DTD1: variants seen among roughly 807,000 people sequenced by gnomAD.
DTD1 encodes the protein D-aminoacyl-tRNA deacylase 1, also known as D-tyrosyl-tRNA deacylase 1 homolog.
A neutral mutation model predicts 25.6 loss-of-function variants in DTD1; 13 were observed. The observed-to-expected ratio is 0.51, with a 90% CI of 0.33 to 0.81. The LOEUF (loss-of-function observed/expected upper bound fraction) is 0.81, where lower values mean the gene tolerates loss of function less well. Among genes scored for constraint, DTD1 ranks in the 30% least tolerant of loss-of-function variants. The pLI is 0.02. For synonymous variants in DTD1, 110 were observed against 103.6 expected (o/e 1.06, Z -0.37); for missense variants, 193 against 266.4 (o/e 0.72, Z 1.92).
chr20:18,693,494 T>C (rs1225265049), intron 4 of DTD1, among the ~76,000 whole-genome samples: 1 of 151,780 alleles, frequency 6.6e-6, no homozygotes, highest in Non-Finnish European at 1.5e-5. Context: ...CCATCTCTAC[T>C]AAAACTACAA....
chr20:18,715,285 C>G (rs889519009), intron 4 of DTD1, among the ~76,000 whole-genome samples: 2 of 152,184 alleles, frequency 1.3e-5, no homozygotes, highest in Non-Finnish European at 2.9e-5. Flanking sequence ...CCAGATCACT[C>G]CCTTGACTGG....
intron 4 of DTD1, among the ~76,000 whole-genome samples, chr20:18,686,353 C>T (rs1413002598): frequency 6.6e-6 from 1 of 152,216 alleles, no homozygotes; most frequent in African/African-American, 2.4e-5. Context: ...TGCCCTTGCA[C>T]ATCTATTTTT....
chr20:18,667,877 G>A (rs2060937672), intron 4 of DTD1, among the ~76,000 whole-genome samples: 1 of 152,154 alleles, frequency 6.6e-6, no homozygotes, highest in Non-Finnish European at 1.5e-5. Context: ...ACCTGCAGAA[G>A]GCCCTCGTCA....
At chr20:18,735,437 C>T (rs996895068) in intron 4 of DTD1, among the ~76,000 whole-genome samples, 4 of 152,212 alleles carry the variant, frequency 2.6e-5, no homozygotes, top group African/African-American at 9.6e-5. Flanking sequence ...ACCTGGTGCT[C>T]CTCCCAGCCT....
chr20:18,703,010 C>T (rs1456461804), intron 4 of DTD1, among the ~76,000 whole-genome samples: 3 of 152,074 alleles, frequency 2.0e-5, no homozygotes, highest in East Asian at 3.9e-4. Context: ...ATCCTCCCAC[C>T]CCCGTCTTCA....
chr20:18,590,593 C>G lies in DTD1; in HGVS notation c.43+2478C>G, dbSNP rs886624961. On this transcript the variant is annotated intron_variant, in intron 1 of 5. Transcript: ENST00000377452. The stretch of plus-strand genomic sequence containing the variant: ...TCAAGCGATTCTCATGCCTCTGTGT[C>G]CTGAGTAGCTGGTCTTACAGGTGCG... Among the ~76,000 whole-genome samples the G allele has an allele frequency of 5.3e-5, 8 of 152,112 alleles. No homozygotes were observed. In the South Asian group the frequency reaches 1.7e-3, roughly 32 times the overall value.
chr20:18,630,232 C>G (rs1347260210), intron 4 of DTD1: 1 of 152,002 alleles, frequency 6.6e-6, no homozygotes, highest in Non-Finnish European at 1.5e-5. Flanking sequence ...TACTTTTTAA[C>G]CCAACTGCCT....
At chr20:18,683,377 G>A (rs1197322034) in intron 4 of DTD1, among the ~76,000 whole-genome samples, 1 of 152,132 alleles carries the variant, frequency 6.6e-6, no homozygotes, top group African/African-American at 2.4e-5. Context: ...TGTCAATATT[G>A]TCTAAGACAT....
intron 3 of DTD1, among the ~76,000 whole-genome samples, chr20:18,612,921 A>T (rs939421162): frequency 1.3e-5 from 2 of 152,032 alleles, no homozygotes; most frequent in African/African-American, 2.4e-5. Context: ...CGCCTCCCAA[A>T]GTGCTGGGAT....
chr20:18,715,589 A>G (rs2061177001), intron 4 of DTD1, among the ~76,000 whole-genome samples: 1 of 152,238 alleles, frequency 6.6e-6, no homozygotes, highest in African/African-American at 2.4e-5. Flanking sequence ...AGTAAAGCAT[A>G]TAATTACTAT....
At chr20:18,588,184 G>A in intron 1 of DTD1, 69 bp downstream of exon 1, 3 of 1,197,108 alleles carry the variant, frequency 2.5e-6, no homozygotes, top group Non-Finnish European at 3.1e-6. Context: ...CTTGCGTGGG[G>A]GGTCTTCCTG....
At chr20:18,633,107 CTTAGAACTCT>C (rs1312951403) in intron 4 of DTD1, among the ~76,000 whole-genome samples, 1 of 152,208 alleles carries the variant, frequency 6.6e-6, no homozygotes, top group Non-Finnish European at 1.5e-5. Context: ...TGTGCTCCTC[CTTAGAACTCT>C]TCAGTGCCTT....
chr20:18,657,990 A>G (rs1167605116), intron 4 of DTD1, among the ~76,000 whole-genome samples: 3 of 152,198 alleles, frequency 2.0e-5, no homozygotes, highest in Non-Finnish European at 4.4e-5. Flanking sequence ...CAGGGCCTGA[A>G]TACCAGGAGG....
intron 4 of DTD1, among the ~76,000 whole-genome samples, chr20:18,700,403 T>C (rs1229596346): frequency 6.6e-6 from 1 of 152,206 alleles, no homozygotes; most frequent in African/African-American, 2.4e-5. Flanking sequence ...TCCACTTGGT[T>C]AGAAAATTCA....
At chr20:18,692,803 C>T (rs1317347896) in intron 4 of DTD1, among the ~76,000 whole-genome samples, 9 of 152,042 alleles carry the variant, frequency 5.9e-5, no homozygotes, top group African/African-American at 2.2e-4. Context: ...AATTAATCAG[C>T]ACTCTTATTA....
At chr20:18,639,141 G>T (rs2122332579) in intron 4 of DTD1, among the ~76,000 whole-genome samples, 1 of 147,366 alleles carries the variant, frequency 6.8e-6, no homozygotes, top group Middle Eastern at 3.5e-3. Flanking sequence ...GGCACAGTCT[G>T]GACACAAAAG....
chr20:18,649,690 A>G (rs2060866073), intron 4 of DTD1, among the ~76,000 whole-genome samples: 1 of 152,046 alleles, frequency 6.6e-6, no homozygotes, highest in Non-Finnish European at 1.5e-5. Flanking sequence ...GGGGCTTTCA[A>G]CACCCCCTTA....
In DTD1 at chr20:18,595,476, G is replaced by T. The variant is rs371824005; in HGVS notation, c.135-530G>T. Among the ~76,000 whole-genome samples the T allele has an allele frequency of 5.9e-4, 89 of 152,130 alleles. 1 individual carries two copies. In the South Asian group the frequency reaches 0.017, roughly 29 times the overall value. On this transcript the variant is annotated intron_variant, in intron 2 of 5. Coordinates refer to ENST00000377452, the MANE Select transcript of DTD1 (RefSeq NM_080820.6). ...GTAGAGATGGGGTTTCTCTATGTTG[G>T]CTAGGCTGGTCTTGAACTCCTGAAC...
chr20:18,616,915 T>C (rs997466426), intron 3 of DTD1, among the ~76,000 whole-genome samples: 4 of 152,254 alleles, frequency 2.6e-5, no homozygotes, highest in African/African-American at 7.2e-5. Context: ...TTTTGTGCAA[T>C]GAATGCCTCT....
Sources: allele counts gnomAD v4.1 joint callset (sites outside exome capture counted in the v4.1 genomes callset), GRCh38; gene constraint gnomAD v4.1.1; transcripts MANE v1.5; gene names NCBI Gene and HGNC (gene_info 2026-07-23, HGNC 2026-07-21).